RPS6KA2: variants seen among roughly 807,000 people sequenced by gnomAD.
RPS6KA2 encodes ribosomal protein S6 kinase alpha-2.
RPS6KA2 carries 42 observed loss-of-function variants against 91.8 expected under a neutral mutation model. That is an observed-to-expected ratio of 0.46 (90% CI 0.36 to 0.59). The LOEUF (loss-of-function observed/expected upper bound fraction) is 0.59. Ranked by LOEUF, RPS6KA2 falls within the 20% of genes least tolerant of loss-of-function variation. The pLI, the probability that RPS6KA2 is intolerant of heterozygous loss-of-function variation, is 0.00. For missense variants in RPS6KA2, 798 were observed against 978.5 expected (o/e 0.82, Z 2.46); for synonymous variants, 414 against 393.6 (o/e 1.05, Z -0.61).
chr6:166,578,829 A>C (rs1318645931), intron 1 of RPS6KA2, among the ~76,000 whole-genome samples: 2 of 152,216 alleles, frequency 1.3e-5, no homozygotes, highest in East Asian at 3.8e-4. Flanking sequence ...CACAGAGAAA[A>C]GTGTCAATTG....
rs180941501 is a variant in RPS6KA2 at position 166,836,512 on chromosome 6, A to G, written c.123+21688T>C. ...TGATTTTTTTCCACTTCTGTGCCCAATGTATTAATCAGCTCATTACAGAAT... is the reference window on the plus strand; with the variant it reads ...TGATTTTTTTCCACTTCTGTGCCCAGTGTATTAATCAGCTCATTACAGAAT... On this transcript the variant is annotated intron_variant, in intron 2 of 21. Coordinates refer to the RPS6KA2 transcript ENST00000503859. Among the ~76,000 whole-genome samples, 10 of 152,186 alleles carry G rather than the reference A, an allele frequency of 6.6e-5. No homozygotes were observed. The East Asian group carries it at 1.5e-3, about 23-fold the overall frequency.
chr6:166,486,373 T>C (rs1781410968), intron 10 of RPS6KA2, among the ~76,000 whole-genome samples: 1 of 152,146 alleles, frequency 6.6e-6, no homozygotes, highest in African/African-American at 2.4e-5. Flanking sequence ...TCCTGAGTGC[T>C]CTCCATCCTG....
At position 166,737,035 on chromosome 6, in the gene RPS6KA2, A is replaced by T. The variant is rs1790688180; in HGVS notation, c.123+121165T>A. Among the ~76,000 whole-genome samples the T allele has an allele frequency of 6.6e-6, 1 of 152,244 alleles. No homozygotes were observed. The highest frequency in any genetic ancestry group is 2.4e-5 in the African/African-American group (1 of 41,474). The stretch of plus-strand genomic sequence containing the variant: ...GGGAGAAAAGGGGGCAGGAAGGGAA[A>T]GAGAGCGGCAAAGCGCATGGAGCCT... On this transcript the variant is annotated intron_variant, in intron 2 of 21. Transcript: ENST00000503859. The surrounding 1 kb of genome is among the most constrained non-coding windows in gnomAD (Gnocchi z 4.3).
At chr6:166,440,025 C>T (rs9355580) in intron 14 of RPS6KA2, 35,767 of 152,134 alleles carry the variant, frequency 0.24, 4,768 homozygotes, top group Middle Eastern at 0.36. Context: ...CCAGAGCCCG[C>T]GGAAGGAACC....
At chr6:166,578,857 G>A (rs953825644) in intron 1 of RPS6KA2, among the ~76,000 whole-genome samples, 5 of 152,210 alleles carry the variant, frequency 3.3e-5, no homozygotes, top group African/African-American at 9.6e-5. Flanking sequence ...ATATTGATGG[G>A]ATCTGTGCAG....
rs1790354061 is a variant in RPS6KA2 at position 166,726,868 on chromosome 6, G to A, written c.123+131332C>T. Among the ~76,000 whole-genome samples, 2 of 152,240 alleles carry A rather than the reference G, an allele frequency of 1.3e-5. No individual in the cohort carries two copies. Among genetic ancestry groups the A allele is most frequent in the South Asian group, 2.1e-4 (1 of 4,818 alleles). On this transcript the variant is annotated intron_variant, in intron 2 of 21. Transcript: ENST00000503859. The surrounding 1 kb of genome is among the most constrained non-coding windows in gnomAD (Gnocchi z 4.4). The stretch of plus-strand genomic sequence containing the variant: ...GGGAGTGTGTCTGGCGGGTGGGGAG[G>A]AATCCCAGGCCTGGAATCTACCGTC...
At chr6:166,766,220 T>C (rs1196916654) in intron 2 of RPS6KA2, among the ~76,000 whole-genome samples, 1 of 152,214 alleles carries the variant, frequency 6.6e-6, no homozygotes, top group Admixed American at 6.5e-5. Context: ...CACTTATCCA[T>C]GTTACTAAAC....
chr6:166,508,322 A>T lies in RPS6KA2; in HGVS notation c.380-40T>A. 1 of 1,337,012 alleles carries T rather than the reference A, an allele frequency of 7.5e-7. No individual in the cohort carries two copies. Among genetic ancestry groups the T allele is most frequent in the South Asian group, 1.2e-5 (1 of 84,880 alleles). 82.8% of individuals were successfully genotyped at this position (1,337,012 alleles called of 1,614,324 possible). A position where few individuals can be genotyped will look rare whatever the true frequency, so the allele number is the denominator to read the frequency against. On this transcript the variant is annotated intron_variant, in intron 4 of 20. Transcript: ENST00000265678. The surrounding 1 kb of genome is among the most constrained non-coding windows in gnomAD (Gnocchi z 4.3). The stretch of plus-strand genomic sequence containing the variant: ...GACCCGCATTTTGACAGCTTGTCGA[A>T]TGTCCTGTGGCAACATCGCTCTCTG...
At position 166,418,128 on chromosome 6, in the gene RPS6KA2, T is replaced by C. The variant is rs1160342854; in HGVS notation, c.1938+97A>G. The C allele has an allele frequency of 5.0e-6, 4 of 792,452 alleles. No individual in the cohort carries two copies. The East Asian group carries it at 7.5e-5, about 15-fold the overall frequency. 49.1% of individuals were successfully genotyped at this position (792,452 alleles called of 1,614,324 possible). A position where few individuals can be genotyped will look rare whatever the true frequency, so the allele number is the denominator to read the frequency against. ...AAATATGCTGAGGATAAAATACCTA[T>C]ACTACTTACATAAAACCTATCCCCT... On this transcript the variant is annotated intron_variant, in intron 19 of 20. Coordinates refer to ENST00000265678, the MANE Select transcript of RPS6KA2 (RefSeq NM_021135.6). This position sits in a 1 kb window ranked among gnomAD's most constrained non-coding sequence, Gnocchi z 4.9.
intron 2 of RPS6KA2, among the ~76,000 whole-genome samples, chr6:166,714,051 C>T (rs988360977): frequency 6.6e-6 from 1 of 152,208 alleles, no homozygotes; most frequent in Non-Finnish European, 1.5e-5. Flanking sequence ...TAGGCTTCCC[C>T]ACACCCTGTT....
At chr6:166,479,197 CAGAG>C (rs975111114) in intron 10 of RPS6KA2, among the ~76,000 whole-genome samples, 3 of 152,242 alleles carry the variant, frequency 2.0e-5, no homozygotes, top group African/African-American at 4.8e-5. Context: ...TGTTTGCTGT[CAGAG>C]AGCCCACGAG....
At chr6:166,747,898 G>A (rs925706435) in intron 2 of RPS6KA2, among the ~76,000 whole-genome samples, 4 of 152,216 alleles carry the variant, frequency 2.6e-5, no homozygotes, top group African/African-American at 9.7e-5. Flanking sequence ...GACCTCTGCA[G>A]CTGTGAGAAG....
At chr6:166,535,927 A>G (rs1783463019) in intron 2 of RPS6KA2, among the ~76,000 whole-genome samples, 1 of 152,252 alleles carries the variant, frequency 6.6e-6, no homozygotes, top group Non-Finnish European at 1.5e-5. Context: ...CTTCTCCCAC[A>G]GGAACAAGCT....
chr6:166,444,512 T>TA (rs577911762), intron 14 of RPS6KA2, among the ~76,000 whole-genome samples: 1 of 152,324 alleles, frequency 6.6e-6, no homozygotes, highest in African/African-American at 2.4e-5. Context: ...ATGTGTCTGA[T>TA]AAAAGGAAGA....
intron 2 of RPS6KA2, among the ~76,000 whole-genome samples, chr6:166,826,014 A>G (rs897581373): frequency 6.6e-6 from 1 of 152,242 alleles, no homozygotes; most frequent in Non-Finnish European, 1.5e-5. Flanking sequence ...AACCAAGGCA[A>G]GCACAACAAT....
chr6:166,581,333 G>T (rs1021491475), intron 1 of RPS6KA2, among the ~76,000 whole-genome samples: 1 of 152,070 alleles, frequency 6.6e-6, no homozygotes. Flanking sequence ...GGAGAATGCC[G>T]ACAGCACCTG....
chr6:166,628,792 G>A (rs1199220745), upstream of RPS6KA2, among the ~76,000 whole-genome samples: 1 of 152,222 alleles, frequency 6.6e-6, no homozygotes. Flanking sequence ...ATACCAAGAG[G>A]CTTATGCAAG....
At chr6:166,759,847 C>T (rs1459390309) in intron 2 of RPS6KA2, among the ~76,000 whole-genome samples, 3 of 152,228 alleles carry the variant, frequency 2.0e-5, no homozygotes, top group African/African-American at 7.2e-5. Context: ...CAGCGGTCAA[C>T]GCAGCGCCGT....
At chr6:166,764,434 A>C (rs1778252734) in intron 2 of RPS6KA2, among the ~76,000 whole-genome samples, 1 of 149,574 alleles carries the variant, frequency 6.7e-6, no homozygotes, top group Non-Finnish European at 1.5e-5. Flanking sequence ...CGCGGGGATC[A>C]GGTCTAACAA....
Sources: gnomAD v4.1 joint callset for allele counts (sites outside exome capture counted in the v4.1 genomes callset) on GRCh38, gnomAD v4.1.1 for gene constraint, Gnocchi (gnomAD v3.1) non-coding constraint, MANE v1.5 for transcripts, NCBI Gene and HGNC (gene_info 2026-07-23, HGNC 2026-07-21) for gene names.